Variants in RSPH1 observed in about 807,000 individuals in gnomAD.
The protein encoded by RSPH1 is radial spoke head component 1.
A neutral mutation model predicts 44.2 loss-of-function variants in RSPH1; 32 were observed. The ratio of observed to expected loss-of-function variants is 0.72; its 90% CI spans 0.55 to 0.97. The LOEUF is 0.97. Among genes scored for constraint, RSPH1 ranks in the 50% least tolerant of loss-of-function variants. RSPH1 has a pLI of 0.00. For synonymous variants in RSPH1, 134 were observed against 147.3 expected, an observed-to-expected ratio of 0.91 and a Z score of 0.65; for missense variants, 391 against 398.7, an observed-to-expected ratio of 0.98 and a Z score of 0.16.
chr21:42,472,844 T>G lies in RSPH1; in HGVS notation c.904A>C (p.Thr302Pro). 1.2e-6 allele frequency: 2 copies of G among 1,609,570 alleles called. No individual in the cohort carries two copies. The highest frequency in any genetic ancestry group is 4.5e-5 in the East Asian group (2 of 44,878). ...EGNINSEEEE[T>P]RQSDLQD ...TAGTCCTGGAGGTCTGACTGTCTAGTTTCTTCTTCTTCAGAATTAATGTTT... is the reference window on the plus strand; with the variant it reads ...TAGTCCTGGAGGTCTGACTGTCTAGGTTCTTCTTCTTCAGAATTAATGTTT... The change falls in exon 9 of 9, where the codon ACT becomes CCT. Residue 302 changes from threonine (T) to proline (P), a missense_variant. Thr to Pro is a conservative substitution (Grantham distance 38, BLOSUM62 -1). Coordinates refer to ENST00000291536, the MANE Select transcript of RSPH1 (RefSeq NM_080860.4).
intron 5 of RSPH1, among the ~76,000 whole-genome samples, chr21:42,483,565 T>C (rs1174937940): frequency 2.0e-5 from 3 of 152,184 alleles, no homozygotes; most frequent in Non-Finnish European, 2.9e-5. Flanking sequence ...TTAAATCACA[T>C]TGATTGATAA....
At position 42,493,041 on chromosome 21, in the gene RSPH1, G is replaced by A. The variant is rs370387704; in HGVS notation, c.93C>T (p.His31=). 2.7e-5 allele frequency: 43 copies of A among 1,613,968 alleles called. No homozygotes were observed. The African/African-American group carries it at 2.8e-4, about 11-fold the overall frequency. The change falls in exon 2 of 9, where the codon CAC becomes CAT. Residue 31 remains histidine (H), a synonymous_variant. Transcript: ENST00000291536. ...TGGGTAGCCGTGCCCTCCCACGTCC[G>A]TGCCTTTCGCCTGCCTCATTCCGAC... ...EGGRNEAGER[H]GRGRARLPNG...
In RSPH1 at chr21:42,493,975, G is replaced by C. The variant is rs372871655; in HGVS notation, c.55-896C>G. Among the ~76,000 whole-genome samples, 13 of 152,312 alleles carry C rather than the reference G, an allele frequency of 8.5e-5. 2 individuals carry two copies. Among genetic ancestry groups the C allele is most frequent in the East Asian group, 1.9e-4 (1 of 5,180 alleles). ...CTATATTGCCCTGGCTGGTCTCAAA[G>C]TCCTGGACTCAAGCGATCCTTGGCC... On this transcript the variant is annotated intron_variant, in intron 1 of 8. Coordinates refer to ENST00000291536, the MANE Select transcript of RSPH1 (RefSeq NM_080860.4).
chr21:42,476,459 C>T (rs1228538576), intron 7 of RSPH1, among the ~76,000 whole-genome samples: 2 of 152,220 alleles, frequency 1.3e-5, no homozygotes, highest in African/African-American at 2.4e-5. Context: ...TTCTTAGCAG[C>T]ATGAGTATTC....
intron 6 of RSPH1, among the ~76,000 whole-genome samples, chr21:42,479,281 C>T (rs1240586562): frequency 6.6e-6 from 1 of 152,186 alleles, no homozygotes; most frequent in Non-Finnish European, 1.5e-5. Context: ...CCCCACAGCA[C>T]AGTGGGAGGC....
intron 8 of RSPH1, among the ~76,000 whole-genome samples, chr21:42,473,931 G>A (rs767000193): frequency 2.0e-5 from 3 of 152,166 alleles, no homozygotes; most frequent in Admixed American, 6.5e-5. Flanking sequence ...AGTTAAGGGG[G>A]TGTTCCCTCT....
At chr21:42,477,120 C>CG (rs1315366415) in intron 7 of RSPH1, among the ~76,000 whole-genome samples, 171 bp downstream of exon 7, 4 of 138,016 alleles carry the variant, frequency 2.9e-5, no homozygotes, top group Non-Finnish European at 6.4e-5. Context: ...CTCCACAGCC[C>CG]GGGGATGCCC....
chr21:42,489,168 G>A (rs1049432891), intron 3 of RSPH1, among the ~76,000 whole-genome samples: 2 of 151,888 alleles, frequency 1.3e-5, no homozygotes, highest in African/African-American at 4.8e-5. Context: ...TGGTTGATTG[G>A]TTGGCTGTTT....
Position 42,476,022 on chromosome 21 carries a change from G to A in RSPH1, c.753C>T (p.Ala251=), listed in dbSNP as rs1322725210. Residue 251 remains alanine (A), a synonymous_variant, in exon 8 of 9, where the codon GCC becomes GCT. Transcript: ENST00000291536. ...AESAGEPGEE[A]QALLEGFEGE... is the part of the protein sequence containing the mutation. ...CCTCGAAGCCCTCCAGCAGAGCCTG[G>A]GCCTCCTCCCCGGGTTCTCCTGCAC... 1 of 1,613,254 alleles carries A rather than the reference G, an allele frequency of 6.2e-7. No individual in the cohort carries two copies. Among genetic ancestry groups the A allele is most frequent in the Non-Finnish European group, 8.5e-7 (1 of 1,179,868 alleles).
At chr21:42,489,821 C>T (rs2146660304) in intron 3 of RSPH1, among the ~76,000 whole-genome samples, 1 of 152,334 alleles carries the variant, frequency 6.6e-6, no homozygotes, top group African/African-American at 2.4e-5. Context: ...GTCTGTCTAA[C>T]ACCATGCTCT....
chr21:42,477,027 G>GACCCC lies in RSPH1; in HGVS notation c.727+263_727+264insGGGGT, dbSNP rs59850424. Among the ~76,000 whole-genome samples, 293 of 33,704 alleles carry GACCCC rather than the reference G, an allele frequency of 8.7e-3. 27 individuals are homozygous for GACCCC. Among genetic ancestry groups the GACCCC allele is most frequent in the Middle Eastern group, 0.019 (1 of 54 alleles). The allele number at this position is 33,704 out of a possible 152,430, so 22.1% of individuals were successfully genotyped here. ...GCCCGGGGGATGCCCCACACCCTCT[G>GACCCC]TCCCACAGCCCGGGGGTGCCCCACA... On this transcript the variant is annotated intron_variant, in intron 7 of 8. Coordinates refer to ENST00000291536, the MANE Select transcript of RSPH1 (RefSeq NM_080860.4).
At chr21:42,494,612 A>G (rs1015490382) in intron 1 of RSPH1, among the ~76,000 whole-genome samples, 3 of 152,168 alleles carry the variant, frequency 2.0e-5, no homozygotes, top group South Asian at 4.1e-4. Flanking sequence ...AAAAGTTACA[A>G]ATCAGTGGGG....
intron 3 of RSPH1, among the ~76,000 whole-genome samples, chr21:42,489,800 T>C (rs1165255620): frequency 6.6e-6 from 1 of 152,164 alleles, no homozygotes; most frequent in Non-Finnish European, 1.5e-5. Flanking sequence ...AAGACTGAAA[T>C]GAAAATTGGA....
At chr21:42,477,551 G>C (rs1285000643) in intron 6 of RSPH1, 107 bp from the exon 7 acceptor site, 2 of 1,195,914 alleles carry the variant, frequency 1.7e-6, no homozygotes, top group Non-Finnish European at 2.4e-6. Context: ...GTTTTGGCTT[G>C]TGTTTCAGCC....
chr21:42,475,180 G>T lies in RSPH1; in HGVS notation c.877+718C>A, dbSNP rs543592580. On this transcript the variant is annotated intron_variant, in intron 8 of 8. Transcript: ENST00000291536. ...CAGTCAGAACTGAGGTCAAATCCCT[G>T]CCCTATGAGCTGGCAGAGGCAGAAG... Among the ~76,000 whole-genome samples, 23 of 152,320 alleles carry T rather than the reference G, an allele frequency of 1.5e-4. No homozygotes were observed. The East Asian group carries it at 3.1e-3, about 20-fold the overall frequency.
chr21:42,485,411 C>A (rs1264368178), intron 5 of RSPH1: 1 of 516,386 alleles, frequency 1.9e-6, no homozygotes, highest in Non-Finnish European at 3.5e-6. Flanking sequence ...TATAACAATG[C>A]AACAGGTCCC....
At chr21:42,482,392 T>G (rs2054137437) in intron 6 of RSPH1, among the ~76,000 whole-genome samples, 1 of 152,160 alleles carries the variant, frequency 6.6e-6, no homozygotes, top group Non-Finnish European at 1.5e-5. Context: ...CAGGATTAGT[T>G]TCTATCAACA....
At chr21:42,486,580 T>C in intron 3 of RSPH1, 119 bp from the exon 4 acceptor site, 3 of 736,842 alleles carry the variant, frequency 4.1e-6, no homozygotes, top group Non-Finnish European at 7.4e-6. Context: ...ATGAAGCCCA[T>C]GCACACACAG....
intron 5 of RSPH1, among the ~76,000 whole-genome samples, chr21:42,483,538 T>C (rs2054151275): frequency 6.6e-6 from 1 of 152,192 alleles, no homozygotes; most frequent in African/African-American, 2.4e-5. Context: ...TGCATTTTTT[T>C]CAAGATTTTT....
Sources: allele counts gnomAD v4.1 joint callset (sites outside exome capture counted in the v4.1 genomes callset), GRCh38; gene constraint gnomAD v4.1.1; transcripts MANE v1.5; gene names NCBI Gene and HGNC (gene_info 2026-07-23, HGNC 2026-07-21).